SHOC2: variants seen among roughly 807,000 people sequenced by gnomAD.
SHOC2 encodes the protein leucine-rich repeat protein SHOC-2.
SHOC2 carries 4 observed loss-of-function variants against 50.2 expected under a neutral mutation model. That is an observed-to-expected ratio of 0.08 (90% CI 0.04 to 0.18). The LOEUF (loss-of-function observed/expected upper bound fraction) is 0.18. Among genes scored for constraint, SHOC2 ranks in the 10% least tolerant of loss-of-function variants. The pLI is 1.00. For missense variants in SHOC2, 388 were observed against 669.6 expected (o/e 0.58, Z 4.64); for synonymous variants, 218 against 244.5 (o/e 0.89, Z 1.01).
chr10:110,974,311 AT>A (rs992776419), intron 2 of SHOC2, among the ~76,000 whole-genome samples: 15 of 149,200 alleles, frequency 1.0e-4, no homozygotes, highest in South Asian at 6.4e-4. Flanking sequence ...AGATTTTCAG[AT>A]TTTTTTTTTG....
At chr10:110,986,006 T>G in intron 3 of SHOC2, 1 of 462,286 alleles carries the variant, frequency 2.2e-6, no homozygotes. Flanking sequence ...GTTACATGTA[T>G]ATATATTCTG....
chr10:110,989,672 A>G (rs1399228197), intron 3 of SHOC2, among the ~76,000 whole-genome samples: 1 of 152,186 alleles, frequency 6.6e-6, no homozygotes, highest in Non-Finnish European at 1.5e-5. Context: ...TTGGCCAGCC[A>G]AAGTATTATT....
At chr10:111,010,376 T>C (rs1358263286) in intron 8 of SHOC2, among the ~76,000 whole-genome samples, 1 of 152,178 alleles carries the variant, frequency 6.6e-6, no homozygotes, top group East Asian at 1.9e-4. Flanking sequence ...AGCTTTTAAA[T>C]TAGTAATTCT....
intron 2 of SHOC2, among the ~76,000 whole-genome samples, chr10:110,975,814 T>G (rs1044297086): frequency 3.9e-5 from 6 of 152,226 alleles, no homozygotes; most frequent in Non-Finnish European, 7.3e-5. Flanking sequence ...TTTTTCTTTT[T>G]AATTTATCTT....
chr10:110,943,833 C>T (rs1847196975), intron 1 of SHOC2, among the ~76,000 whole-genome samples: 1 of 152,226 alleles, frequency 6.6e-6, no homozygotes. Flanking sequence ...GCATTCTGGT[C>T]ACGGAAAGTC....
chr10:110,996,529 TA>T (rs571137418), intron 3 of SHOC2, among the ~76,000 whole-genome samples: 79 of 142,984 alleles, frequency 5.5e-4, no homozygotes, highest in South Asian at 8.9e-4. Context: ...CTCTGTCTCT[TA>T]AAAAAAAAAA....
intron 1 of SHOC2, among the ~76,000 whole-genome samples, chr10:110,924,646 A>G (rs963675140): frequency 1.3e-5 from 2 of 152,126 alleles, no homozygotes; most frequent in African/African-American, 4.8e-5. Flanking sequence ...TTAAAACTTC[A>G]CCTTCAACAC....
intron 1 of SHOC2, among the ~76,000 whole-genome samples, chr10:110,929,756 C>G (rs1301845798): frequency 6.6e-6 from 1 of 152,156 alleles, no homozygotes; most frequent in Non-Finnish European, 1.5e-5. Context: ...TAAGTACCTC[C>G]CAAAGGTCCC....
At chr10:110,940,632 A>G (rs1384993466) in intron 1 of SHOC2, among the ~76,000 whole-genome samples, 2 of 152,136 alleles carry the variant, frequency 1.3e-5, no homozygotes, top group Non-Finnish European at 2.9e-5. Context: ...GAACATTTCA[A>G]TTTACTGATT....
At position 111,011,630 on chromosome 10, in the gene SHOC2, G is replaced by A; in HGVS notation, c.1561G>A (p.Glu521Lys). ...AACAGGTACACTGGAGAACCTAGAA[G>A]AACTGTATTTGAATGACAACCCCAA... ...EEIGTLENLE[E>K]LYLNDNPNLH... The change falls in exon 9 of 9, where the codon GAA (glutamate) becomes AAA (lysine). Residue 521 changes from glutamate (E) to lysine (K), a missense_variant. Glu to Lys is a moderately conservative substitution (Grantham distance 56, BLOSUM62 1). Coordinates refer to ENST00000369452, the MANE Select transcript of SHOC2 (RefSeq NM_007373.4). 1 of 1,613,322 alleles carries A rather than the reference G, an allele frequency of 6.2e-7. No individual in the cohort carries two copies.
At chr10:110,971,339 C>G (rs1354503244) in intron 2 of SHOC2, among the ~76,000 whole-genome samples, 1 of 152,022 alleles carries the variant, frequency 6.6e-6, no homozygotes, top group African/African-American at 2.4e-5. Flanking sequence ...TTGTTGGCTC[C>G]TTTATCAAGT....
At chr10:110,957,232 G>GT (rs1847481479) in intron 1 of SHOC2, among the ~76,000 whole-genome samples, 2 of 152,164 alleles carry the variant, frequency 1.3e-5, no homozygotes, top group African/African-American at 2.4e-5. Context: ...GGTTAGAATA[G>GT]TGCCCTGAAT....
intron 1 of SHOC2, among the ~76,000 whole-genome samples, chr10:110,944,173 C>T (rs11195384): frequency 0.072 from 10,955 of 152,164 alleles, 784 homozygotes; most frequent in East Asian, 0.3. Context: ...CTCCTTGTTC[C>T]ATAGTATATT....
intron 1 of SHOC2, among the ~76,000 whole-genome samples, chr10:110,952,546 A>AT (rs554066795): frequency 5.7e-4 from 84 of 146,726 alleles, no homozygotes; most frequent in South Asian, 2.1e-3. Context: ...GCAATAACTG[A>AT]TTTTTTTTTT....
chr10:110,996,317 A>G (rs1848266692), intron 3 of SHOC2, among the ~76,000 whole-genome samples: 1 of 152,132 alleles, frequency 6.6e-6, no homozygotes, highest in African/African-American at 2.4e-5. Flanking sequence ...TCACTTTAGC[A>G]TAGAGATCGA....
At position 110,970,859 on chromosome 10, in the gene SHOC2, A is replaced by G. The variant is rs542534807; in HGVS notation, c.703+5798A>G. Among the ~76,000 whole-genome samples the G allele has an allele frequency of 7.3e-5, 11 of 151,542 alleles. No homozygotes were observed. The South Asian group carries it at 2.3e-3, about 32-fold the overall frequency. The stretch of plus-strand genomic sequence containing the variant: ...GCATTTTTTCGTATACCTTTTGGCC[A>G]TTTGTATGTCTTGAGAAATGTATAC... On this transcript the variant is annotated intron_variant, in intron 2 of 8. Coordinates refer to ENST00000369452, the MANE Select transcript of SHOC2 (RefSeq NM_007373.4).
intron 6 of SHOC2, among the ~76,000 whole-genome samples, chr10:111,008,973 G>GT (rs1848519122): frequency 6.6e-6 from 1 of 152,094 alleles, no homozygotes; most frequent in South Asian, 2.1e-4. Context: ...ATAAACATTT[G>GT]TAACTATTGA....
chr10:110,919,380 G>C (rs1007940096), upstream of SHOC2: 3 of 388,574 alleles, frequency 7.7e-6, no homozygotes, highest in African/African-American at 6.2e-5. Context: ...GAAAGGACAA[G>C]GGCGGAGAGA....
In SHOC2 at chr10:110,963,858, G is replaced by T. The variant is rs373905631; in HGVS notation, c.-234-267G>T. Among the ~76,000 whole-genome samples the T allele has an allele frequency of 3.2e-3, 486 of 152,116 alleles. 26 individuals are homozygous for T. The South Asian group carries it at 0.093, about 29-fold the overall frequency. ...AATAAATATTAAGCTTATTGTTGTG[G>T]TTTCTTCCACTTTTTAGGTCTTATA... is the stretch of plus-strand genomic sequence containing the variant. On this transcript the variant is annotated intron_variant, in intron 1 of 8. Transcript: ENST00000369452.
Sources: allele counts gnomAD v4.1 joint callset (sites outside exome capture counted in the v4.1 genomes callset), GRCh38; gene constraint gnomAD v4.1.1; transcripts MANE v1.5; gene names NCBI Gene and HGNC (gene_info 2026-07-23, HGNC 2026-07-21).